Variants in CHD7 observed in about 807,000 individuals in gnomAD.
CHD7 encodes ATP-dependent chromatin remodeler CHD7.
Under a neutral mutation model 307.3 loss-of-function variants are expected in CHD7, and 24 were observed. That is an observed-to-expected ratio of 0.08 (90% confidence interval 0.06 to 0.11). The LOEUF is 0.11. Ranked by LOEUF, CHD7 falls within the 10% of genes least tolerant of loss-of-function variation. CHD7 has a pLI of 1.00. For missense variants in CHD7, 3,106 were observed against 3,727.1 expected, an observed-to-expected ratio of 0.83 and a Z score of 4.34; for synonymous variants, 1,363 against 1,349.9, an observed-to-expected ratio of 1.01 and a Z score of -0.21.
chr8:60,767,367 G>T (rs1484962194), intron 2 of CHD7, among the ~76,000 whole-genome samples: 2 of 152,036 alleles, frequency 1.3e-5, no homozygotes, highest in Admixed American at 6.6e-5. Flanking sequence ...AGGAAGGTCA[G>T]GTAGGAGACA....
chr8:60,814,831 C>G (rs1232808140), intron 7 of CHD7, among the ~76,000 whole-genome samples: 4 of 152,052 alleles, frequency 2.6e-5, no homozygotes, highest in African/African-American at 9.7e-5. Context: ...GTTGAGTATC[C>G]CTTATCTGGA....
At position 60,761,132 on chromosome 8, in the gene CHD7, C is replaced by T. The variant is rs1175180564; in HGVS notation, c.1665+18035C>T. 3.9e-5 allele frequency among the ~76,000 whole-genome samples: 6 copies of T among 151,954 alleles called. No homozygotes were observed. The East Asian group carries it at 7.7e-4, about 20-fold the overall frequency. The stretch of plus-strand genomic sequence containing the variant: ...GATAGATTGGATTAAGAAAATGTGG[C>T]ACATATACACCATGGAATACTATGC... On this transcript the variant is annotated intron_variant, in intron 2 of 37. Coordinates refer to ENST00000423902, the MANE Select transcript of CHD7 (RefSeq NM_017780.4).
intron 3 of CHD7, among the ~76,000 whole-genome samples, chr8:60,782,459 A>G (rs1811297088): frequency 1.3e-5 from 2 of 152,230 alleles, no homozygotes; most frequent in Admixed American, 6.5e-5. Context: ...TGGACTTGCA[A>G]CTTCCTGCTA....
At position 60,862,612 on chromosome 8, in the gene CHD7, T is replaced by A; in HGVS notation, c.8036T>A (p.Phe2679Tyr). The A allele has an allele frequency of 6.4e-7, 1 of 1,573,374 alleles. No homozygotes were observed. The highest frequency in any genetic ancestry group is 8.6e-7 in the Non-Finnish European group (1 of 1,158,128). Residue 2679 changes from phenylalanine to tyrosine, a missense_variant, in exon 37 of 38, where the codon TTT becomes TAT. Phe to Tyr is a conservative substitution (Grantham distance 22, BLOSUM62 3). Around this residue, in one of 10 missense-constraint regions of CHD7, gnomAD observed 59 missense variants for 106.2 expected, o/e 0.56. Transcript: ENST00000423902. ...LPRWLEENPE[F>Y]AVAPDWTDIV... ...AGGTGGCTGGAAGAAAATCCTGAAT[T>A]TGCAGTTGCTCCAGACTGGACTGAT...
chr8:60,789,766 C>A (rs1339172380), intron 3 of CHD7, among the ~76,000 whole-genome samples: 2 of 152,248 alleles, frequency 1.3e-5, no homozygotes, highest in African/African-American at 4.8e-5. Flanking sequence ...CATCCAACCC[C>A]ATTTCAGGTA....
In CHD7 at chr8:60,867,271, C is replaced by G. The variant is rs941862726; in HGVS notation, c.*1338C>G. The G allele has an allele frequency of 4.4e-4, 67 of 152,138 alleles. No homozygotes were observed. The highest frequency in any genetic ancestry group is 4.4e-3 in the Admixed American group (67 of 15,286). 9.4% of individuals were successfully genotyped at this position (152,138 alleles called of 1,614,324 possible). A position where few individuals can be genotyped will look rare whatever the true frequency, so the allele number is the denominator to read the frequency against. On this transcript the variant is annotated 3_prime_UTR_variant, in exon 38 of 38. Coordinates refer to ENST00000423902, the MANE Select transcript of CHD7 (RefSeq NM_017780.4). ...GCTTTAACAGGCACAATATCTAGGT[C>G]ATTTATCCTTGGTTAATGGGTAGAA...
At chr8:60,847,887 A>G (rs1361252572) in intron 23 of CHD7, among the ~76,000 whole-genome samples, 1 of 151,956 alleles carries the variant, frequency 6.6e-6, no homozygotes, top group East Asian at 1.9e-4. Flanking sequence ...ACAGTAAACT[A>G]GAAGGAATAA....
At chr8:60,811,260 AAT>A (rs1382585274) in intron 7 of CHD7, among the ~76,000 whole-genome samples, 3 of 152,196 alleles carry the variant, frequency 2.0e-5, no homozygotes, top group Non-Finnish European at 4.4e-5. Flanking sequence ...GTGAAATATT[AAT>A]ATGTTACAAA....
At chr8:60,859,586 G>A (rs1404554986) in intron 34 of CHD7, among the ~76,000 whole-genome samples, 1 of 152,168 alleles carries the variant, frequency 6.6e-6, no homozygotes, top group Non-Finnish European at 1.5e-5. Flanking sequence ...AAGAGGATAT[G>A]GGGAGAAACA....
chr8:60,721,589 A>G (rs1247287250), intron 1 of CHD7, among the ~76,000 whole-genome samples: 2 of 152,214 alleles, frequency 1.3e-5, no homozygotes, highest in Non-Finnish European at 2.9e-5. Flanking sequence ...TTGTGCATCA[A>G]AATGCTTGGT....
intron 21 of CHD7, among the ~76,000 whole-genome samples, chr8:60,842,751 A>G (rs1331728790): frequency 6.6e-6 from 1 of 152,142 alleles, no homozygotes; most frequent in East Asian, 1.9e-4. Flanking sequence ...CCTGTCTTGG[A>G]TGATTTCTTC....
At chr8:60,752,484 A>G (rs1421148936) in intron 2 of CHD7, among the ~76,000 whole-genome samples, 1 of 152,188 alleles carries the variant, frequency 6.6e-6, no homozygotes, top group Admixed American at 6.5e-5. Context: ...TGCTCAGTTT[A>G]GGCAGTTGGG....
At chr8:60,832,933 A>G (rs1021570348) in intron 15 of CHD7, among the ~76,000 whole-genome samples, 1 of 152,230 alleles carries the variant, frequency 6.6e-6, no homozygotes, top group Admixed American at 6.5e-5. Flanking sequence ...TGTCCTGACA[A>G]GAAGTGTCTG....
At chr8:60,843,213 T>A (rs534963922) in intron 21 of CHD7, among the ~76,000 whole-genome samples, 3 of 152,280 alleles carry the variant, frequency 2.0e-5, no homozygotes, top group African/African-American at 7.2e-5. Flanking sequence ...TAAATGCTTG[T>A]TCAACAGAAG....
chr8:60,717,125 C>T (rs1246073182), intron 1 of CHD7, among the ~76,000 whole-genome samples: 1 of 150,976 alleles, frequency 6.6e-6, no homozygotes, highest in East Asian at 1.9e-4. Context: ...TCATTTGTCC[C>T]GTTTACTGGT....
rs764021765 is a variant in CHD7 at position 60,865,197 on chromosome 8, T to G, written c.8258T>G (p.Met2753Arg). 4 of 1,611,502 alleles carry G rather than the reference T, an allele frequency of 2.5e-6. No individual in the cohort carries two copies. Residue 2753 changes from methionine to arginine, a missense_variant, in exon 38 of 38, where the codon ATG (methionine) becomes AGG (arginine). Transcript: ENST00000423902. This position sits in a 1 kb window ranked among gnomAD's most constrained non-coding sequence, Gnocchi z 4.3. Reference sequence around the variant, plus strand: ...CTGGTGAACAGCCTGTTTGCTGGAATGGACCTGACGAGCCTTCAGAATCTC... The same window carrying G: ...CTGGTGAACAGCCTGTTTGCTGGAAGGGACCTGACGAGCCTTCAGAATCTC... Reference protein sequence around the residue: ...PLLVNSLFAGMDLTSLQNLQN... With the variant: ...PLLVNSLFAGRDLTSLQNLQN...
Position 60,821,842 on chromosome 8 carries a change from C to T in CHD7, c.2750C>T (p.Thr917Met), listed in dbSNP as rs1165711448. ...KWCSLPYEDSTWERRQDIDQA... is the reference protein window; with the variant it reads ...KWCSLPYEDSMWERRQDIDQA... Reference sequence around the variant, plus strand: ...TGTTCACTTCCTTATGAAGACAGCACGTGGGAGCGGAGGCAGGACATAGAT... The same window carrying T: ...TGTTCACTTCCTTATGAAGACAGCATGTGGGAGCGGAGGCAGGACATAGAT... Residue 917 changes from threonine to methionine, a missense_variant, in exon 10 of 38, where the codon ACG becomes ATG. This residue lies in a region of CHD7 where 188 missense variants were observed against 261.7 expected (regional missense o/e 0.72). Coordinates refer to ENST00000423902, the MANE Select transcript of CHD7 (RefSeq NM_017780.4). 1 of 1,587,738 alleles carries T rather than the reference C, an allele frequency of 6.3e-7. No homozygotes were observed. Among genetic ancestry groups the T allele is most frequent in the Non-Finnish European group, 8.6e-7 (1 of 1,166,424 alleles).
chr8:60,778,917 A>G (rs1811075400), intron 2 of CHD7, among the ~76,000 whole-genome samples: 1 of 152,220 alleles, frequency 6.6e-6, no homozygotes, highest in Non-Finnish European at 1.5e-5. Context: ...TGAGGAAAGG[A>G]TAGAGGGGCA....
chr8:60,853,743 T>G (rs768177970), intron 31 of CHD7, among the ~76,000 whole-genome samples: 2 of 152,248 alleles, frequency 1.3e-5, no homozygotes, highest in Non-Finnish European at 2.9e-5. Flanking sequence ...TAGCAATTTC[T>G]GGTTTAAGGA....
Sources: gnomAD v4.1 joint callset for allele counts (sites outside exome capture counted in the v4.1 genomes callset) on GRCh38, gnomAD v4.1.1 for gene constraint, gnomAD v4.1.1 regional missense constraint, Gnocchi (gnomAD v3.1) non-coding constraint, MANE v1.5 for transcripts, NCBI Gene and HGNC (gene_info 2026-07-23, HGNC 2026-07-21) for gene names.